Variants in TINF2 observed in about 807,000 individuals in gnomAD.
TINF2 encodes the protein TERF1-interacting nuclear factor 2.
In TINF2, 27 loss-of-function variants were observed where a neutral mutation model predicts 50.4. The ratio of observed to expected loss-of-function variants is 0.54; its 90% confidence interval spans 0.40 to 0.74. TINF2 has a LOEUF of 0.74. Among genes scored for constraint, TINF2 ranks in the 30% least tolerant of loss-of-function variants. TINF2 has a pLI of 0.00. For synonymous variants in TINF2, 223 were observed against 214.6 expected (o/e 1.04, Z -0.34); for missense variants, 496 against 551.5 (o/e 0.90, Z 1.01).
At position 24,241,125 on chromosome 14, in the gene TINF2, A is replaced by C. The variant is rs758787155; in HGVS notation, c.508-9T>G. On this transcript the variant is annotated splice_polypyrimidine_tract_variant and intron_variant, in intron 4 of 8. Transcript: ENST00000267415. ...CTCAGCACATCCTGAAGCTGTGGGC[A>C]GGGACAGAGGTATGAAGACCACAAT... 1.2e-6 allele frequency: 2 copies of C among 1,614,104 alleles called. No homozygotes were observed. Among genetic ancestry groups the C allele is most frequent in the Non-Finnish European group, 1.7e-6 (2 of 1,180,050 alleles).
At position 24,239,807 on chromosome 14, in the gene TINF2, C is replaced by G; in HGVS notation, c.1346G>C (p.Arg449Thr). 1 of 1,614,200 alleles carries G rather than the reference C, an allele frequency of 6.2e-7. No homozygotes were observed. Among genetic ancestry groups the G allele is most frequent in the Admixed American group, 1.7e-5 (1 of 60,008 alleles). ...AGCATTTTAGTTCTATCACAAAGGT[C>G]TAGAACTGTCTCTACAGTCACAGGA... ...VSSCDCRDSSRPL is the reference protein window; with the variant it reads ...VSSCDCRDSSTPL Residue 449 changes from arginine to threonine, a missense_variant, in exon 9 of 9, where the codon AGA becomes ACA. Around this residue, in one of 3 missense-constraint regions of TINF2, gnomAD observed 179 missense variants for 188.3 expected, o/e 0.95. Transcript: ENST00000267415.
rs1284745796 is a variant in TINF2 at position 24,241,707 on chromosome 14, C to G, written c.367G>C (p.Glu123Gln). The G allele has an allele frequency of 6.2e-7, 1 of 1,613,072 alleles. No individual in the cohort carries two copies. Among genetic ancestry groups the G allele is most frequent in the South Asian group, 1.1e-5 (1 of 90,754 alleles). Residue 123 changes from glutamate (E) to glutamine (Q), a missense_variant, in exon 3 of 9, where the codon GAG becomes CAG. Physicochemically the swap from Glu to Gln is conservative, Grantham distance 29. Transcript: ENST00000267415. The stretch of plus-strand genomic sequence containing the variant: ...TTCGAGGCCAAATCCACAGGAGCCT[C>G]TGACAGCTGCTTCACCTGCTGGTAA... ...TFYQQVKQLS[E>Q]APVDLASKLQ...
intron 5 of TINF2, 21 bp downstream of exon 5, chr14:24,240,999 A>C (rs746349833): frequency 6.1e-5 from 99 of 1,613,986 alleles, no homozygotes; most frequent in Admixed American, 8.3e-5. Context: ...GCTAAACACT[A>C]CACCTCCAAA....
rs2138999443 is a variant in TINF2, at chr14:24,240,890, G to A, written c.605-15C>T. 6.2e-7 allele frequency: 1 copy of A among 1,614,050 alleles called. No homozygotes were observed. The highest frequency in any genetic ancestry group is 8.5e-7 in the Non-Finnish European group (1 of 1,180,026). The stretch of plus-strand genomic sequence containing the variant: ...AACAGAGCACTCTGAAAAAGAAAAT[G>A]AGGCCCCTTATAAAGAGAACAGATA... On this transcript the variant is annotated splice_polypyrimidine_tract_variant and intron_variant, in intron 5 of 8. Transcript: ENST00000267415.
In TINF2 at chr14:24,242,567, T is replaced by C; in HGVS notation, c.-235A>G. The C allele has an allele frequency of 9.4e-6, 13 of 1,389,658 alleles. No homozygotes were observed. The highest frequency in any genetic ancestry group is 1.2e-5 in the Non-Finnish European group (13 of 1,073,436). The allele number at this position is 1,389,658 out of a possible 1,614,324, so 86.1% of individuals were successfully genotyped here. On this transcript the variant is annotated 5_prime_UTR_variant, in exon 1 of 9. Coordinates refer to ENST00000267415, the MANE Select transcript of TINF2 (RefSeq NM_001099274.3). The stretch of plus-strand genomic sequence containing the variant: ...GAGTGGAGAAGCTGACCGTCTCCAG[T>C]GGCACTGGGTCGCTCAGCTTTAAAC...
chr14:24,242,104 C>G lies in TINF2; in HGVS notation c.192+37G>C, dbSNP rs1289453676. 26 of 1,614,128 alleles carry G rather than the reference C, an allele frequency of 1.6e-5. No individual in the cohort carries two copies. The Admixed American group carries it at 4.0e-4, about 25-fold the overall frequency. On this transcript the variant is annotated intron_variant, in intron 1 of 8. Coordinates refer to ENST00000267415, the MANE Select transcript of TINF2 (RefSeq NM_001099274.3). ...TCAGGTGCTCGCATCCCGCCCCTTTCTTTCTTTCCCCTTCCAGGTCCTACT... is the reference window on the plus strand; with the variant it reads ...TCAGGTGCTCGCATCCCGCCCCTTTGTTTCTTTCCCCTTCCAGGTCCTACT...
At position 24,240,746 on chromosome 14, in the gene TINF2, G is replaced by T. The variant is rs142777869; in HGVS notation, c.734C>A (p.Ser245Tyr). Residue 245 changes from serine (S) to tyrosine (Y), a missense_variant, in exon 6 of 9, where the codon TCT becomes TAT. Physicochemically the swap from Ser to Tyr is moderately radical, Grantham distance 144. Coordinates refer to ENST00000267415, the MANE Select transcript of TINF2 (RefSeq NM_001099274.3). ...TAGAGGTTCTGGGTGCGTCCTTGAAGATGGTCCCTGAGGAAGATGTGTGCC... is the reference window on the plus strand; with the variant it reads ...TAGAGGTTCTGGGTGCGTCCTTGAATATGGTCCCTGAGGAAGATGTGTGCC... ...KPGTHLPQGP[S>Y]SRTHPEPLAG... The T allele has an allele frequency of 8.1e-4, 1,311 of 1,613,488 alleles. 8 individuals carry two copies. In the Middle Eastern group the frequency reaches 0.01, roughly 13 times the overall value.
rs201087708 is a variant in TINF2, at chr14:24,241,320, G to A, written c.400-9C>T. The A allele has an allele frequency of 2.5e-4, 398 of 1,611,764 alleles. 5 individuals carry two copies. In the African/African-American group the frequency reaches 4.6e-3, roughly 19 times the overall value. On this transcript the variant is annotated splice_polypyrimidine_tract_variant and intron_variant, in intron 3 of 8. Transcript: ENST00000267415. ...TACTCTTGTTCAAGTTCCTACAGCA[G>A]GGGAGATTAGGTCAAAAGTGGGTTA...
rs763943026 is a variant in TINF2, at chr14:24,239,664, A to G, written c.*133T>C. On this transcript the variant is annotated 3_prime_UTR_variant, in exon 9 of 9. Transcript: ENST00000267415. ...AGTATTTTAACAAATCCAAAGTTTAATTATTAAGGATTACAAATATTTTTA... is the reference window on the plus strand; with the variant it reads ...AGTATTTTAACAAATCCAAAGTTTAGTTATTAAGGATTACAAATATTTTTA... 1.7e-5 allele frequency: 26 copies of G among 1,573,880 alleles called. No individual in the cohort carries two copies. The highest frequency in any genetic ancestry group is 2.2e-5 in the Non-Finnish European group (26 of 1,163,054).
intron 6 of TINF2, 35 bp downstream of exon 6, chr14:24,240,384 G>A (rs1594550445): frequency 1.2e-6 from 2 of 1,614,086 alleles, no homozygotes; most frequent in South Asian, 1.1e-5. Flanking sequence ...GGCAAAGAAT[G>A]TGCTCCTAGT....
In TINF2 at chr14:24,240,252, A is replaced by G. The variant is rs2040541083; in HGVS notation, c.1129+11T>C. The G allele has an allele frequency of 1.2e-6, 2 of 1,613,958 alleles. No individual in the cohort carries two copies. The highest frequency in any genetic ancestry group is 2.2e-5 in the East Asian group (1 of 44,886). On this transcript the variant is annotated intron_variant, in intron 7 of 8. Transcript: ENST00000267415. ...GAGGCTGTTGATCCAATCCTGACTC[A>G]GACTACCTACCTGGCTTCCTGGCCC...
At chr14:24,240,916 G>C in intron 5 of TINF2, 41 bp from the exon 6 acceptor site, 1 of 1,614,074 alleles carries the variant, frequency 6.2e-7, no homozygotes, top group African/African-American at 1.3e-5. Flanking sequence ...AGAACAGATA[G>C]TAACAGAATA....
In TINF2 at chr14:24,239,713, C is replaced by T; in HGVS notation, c.*84G>A. On this transcript the variant is annotated 3_prime_UTR_variant, in exon 9 of 9. Coordinates refer to ENST00000267415, the MANE Select transcript of TINF2 (RefSeq NM_001099274.3). ...TAGCAGTGTAGTTAGGCAATCCAAG[C>T]CTGGACTTCCACTTCATTCCTACTA... 2 of 1,613,130 alleles carry T rather than the reference C, an allele frequency of 1.2e-6. No homozygotes were observed. The highest frequency in any genetic ancestry group is 3.4e-4 in the Middle Eastern group (2 of 5,840).
In TINF2 at chr14:24,242,494, C is replaced by T; in HGVS notation, c.-162G>A. 7.0e-7 allele frequency: 1 copy of T among 1,433,864 alleles called. No homozygotes were observed. Among genetic ancestry groups the T allele is most frequent in the Non-Finnish European group, 9.1e-7 (1 of 1,100,194 alleles). 88.8% of individuals were successfully genotyped at this position (1,433,864 alleles called of 1,614,324 possible). On this transcript the variant is annotated 5_prime_UTR_variant, in exon 1 of 9. Transcript: ENST00000267415. The stretch of plus-strand genomic sequence containing the variant: ...CTGACTCGGCTCCCTTCCATCGGCC[C>T]CCAGAATTCTGGGGGAGGGGGTCTT...
chr14:24,242,607 G>C lies in TINF2; in HGVS notation c.-275C>G. Reference sequence around the variant, plus strand: ...CAGCTTTAAACGTCGCCGCTGTCTCGAGCCCGAGGGTGCCTCACTTCCGGC... The same window carrying C: ...CAGCTTTAAACGTCGCCGCTGTCTCCAGCCCGAGGGTGCCTCACTTCCGGC... On this transcript the variant is annotated 5_prime_UTR_variant, in exon 1 of 9. Transcript: ENST00000267415. 7.7e-7 allele frequency: 1 copy of C among 1,290,796 alleles called. No individual in the cohort carries two copies. Among genetic ancestry groups the C allele is most frequent in the Non-Finnish European group, 9.8e-7 (1 of 1,016,604 alleles). 80.0% of individuals were successfully genotyped at this position (1,290,796 alleles called of 1,614,324 possible).
chr14:24,239,884 G>A lies in TINF2; in HGVS notation c.1269C>T (p.Pro423=), dbSNP rs777077289. 1.9e-6 allele frequency: 3 copies of A among 1,614,170 alleles called. No individual in the cohort carries two copies. The highest frequency in any genetic ancestry group is 2.5e-6 in the Non-Finnish European group (3 of 1,180,022). Residue 423 remains proline, a synonymous_variant, in exon 9 of 9, where the codon CCC becomes CCT. Transcript: ENST00000267415. ...AAGGGGGTAGGTATTCACAGAGAGT[G>A]GGTATCAAGGTGTCAAACTTTGTCT... The part of the protein sequence containing the change: ...YQKTKFDTLI[P]TLCEYLPPSG...
intron 1 of TINF2, 59 bp from the exon 2 acceptor site, chr14:24,242,053 T>C (rs1185280583): frequency 3.1e-6 from 5 of 1,613,880 alleles, no homozygotes; most frequent in Non-Finnish European, 4.2e-6. Flanking sequence ...TTCCAACTAG[T>C]CTCATCCCCA....
chr14:24,242,348 C>T lies in TINF2; in HGVS notation c.-16G>A, dbSNP rs543628758. Reference sequence around the variant, plus strand: ...GCGTAGCCATGGTCGGCGGGCTCCGCCCGGAGGCGGTCCCTCCGGGTTCCT... The same window carrying T: ...GCGTAGCCATGGTCGGCGGGCTCCGTCCGGAGGCGGTCCCTCCGGGTTCCT... On this transcript the variant is annotated 5_prime_UTR_variant, in exon 1 of 9. Transcript: ENST00000267415. 6.2e-7 allele frequency: 1 copy of T among 1,608,524 alleles called. No individual in the cohort carries two copies. The highest frequency in any genetic ancestry group is 8.5e-7 in the Non-Finnish European group (1 of 1,178,056).
At chr14:24,240,357 A>G in intron 6 of TINF2, 27 bp from the exon 7 acceptor site, 3 of 1,614,080 alleles carry the variant, frequency 1.9e-6, no homozygotes, top group Non-Finnish European at 2.5e-6. Flanking sequence ...CAAAGAGGAT[A>G]GGATGAAGGG....
Sources: allele counts gnomAD v4.1 joint callset, GRCh38; gene constraint gnomAD v4.1.1; regional missense constraint gnomAD v4.1.1; transcripts MANE v1.5; gene names NCBI Gene and HGNC (gene_info 2026-07-23, HGNC 2026-07-21).